DNAH11: variants seen among roughly 807,000 people sequenced by gnomAD.
DNAH11 encodes the protein dynein axonemal heavy chain 11.
DNAH11 carries 442 observed loss-of-function variants against 526.0 expected under a neutral mutation model. The ratio of observed to expected loss-of-function variants is 0.84; its 90% CI spans 0.78 to 0.91. The LOEUF is 0.91. Ranked by LOEUF, DNAH11 falls within the 40% of genes least tolerant of loss-of-function variation. DNAH11 has a pLI of 0.00. For missense variants in DNAH11, 6,989 were observed against 5,448.7 expected, an observed-to-expected ratio of 1.28 and a Z score of -8.90; for synonymous variants, 2,461 against 1,935.9, an observed-to-expected ratio of 1.27 and a Z score of -7.12.
chr7:21,883,754 C>G (rs57437438), intron 75 of DNAH11, among the ~76,000 whole-genome samples: 77,391 of 152,078 alleles, frequency 0.51, 21,281 homozygotes, highest in South Asian at 0.64. Flanking sequence ...TAAAATCTGC[C>G]TAAGGCTGGG....
intron 65 of DNAH11, among the ~76,000 whole-genome samples, chr7:21,834,052 T>G (rs193212729): frequency 6.6e-6 from 1 of 152,154 alleles, no homozygotes; most frequent in Admixed American, 6.5e-5. Flanking sequence ...GAATATATAT[T>G]CTTCTCATCA....
At chr7:21,657,931 G>T (rs10480006) in intron 29 of DNAH11, among the ~76,000 whole-genome samples, 1 of 152,068 alleles carries the variant, frequency 6.6e-6, no homozygotes, top group African/African-American at 2.4e-5. Flanking sequence ...CAGGGGTGGA[G>T]GAAGAAGTCA....
chr7:21,814,029 A>G (rs1307378916), intron 63 of DNAH11, among the ~76,000 whole-genome samples: 2 of 152,238 alleles, frequency 1.3e-5, no homozygotes, highest in African/African-American at 4.8e-5. Context: ...GCTACATGGC[A>G]TAGCCTATTG....
At chr7:21,691,218 A>T (rs571679336) in intron 35 of DNAH11, among the ~76,000 whole-genome samples, 24 of 150,588 alleles carry the variant, frequency 1.6e-4, no homozygotes, top group Non-Finnish European at 2.7e-4. Context: ...TTTATTGCCA[A>T]CAGAACACTT....
chr7:21,603,047 C>T (rs1477124196), intron 18 of DNAH11, among the ~76,000 whole-genome samples: 1 of 152,170 alleles, frequency 6.6e-6, no homozygotes, highest in Non-Finnish European at 1.5e-5. Context: ...CCTCCATGCC[C>T]TGCCAAGCCT....
chr7:21,665,875 T>C (rs1782403018), intron 30 of DNAH11, among the ~76,000 whole-genome samples: 1 of 152,148 alleles, frequency 6.6e-6, no homozygotes, highest in Admixed American at 6.6e-5. Context: ...TGAATTCTGC[T>C]AAGCTGTGGT....
chr7:21,745,945 T>C (rs920575317), intron 51 of DNAH11, among the ~76,000 whole-genome samples: 7 of 152,110 alleles, frequency 4.6e-5, no homozygotes, highest in African/African-American at 1.7e-4. Flanking sequence ...CAAGAATGTT[T>C]GAGATACAGA....
chr7:21,573,152 G>A lies in DNAH11; in HGVS notation c.1593+1179G>A, dbSNP rs530269047. ...GAGAATGTGGCCAGGTTTAATTGAC[G>A]TCACTACCTTGGCCATGCCAAAGGT... On this transcript the variant is annotated intron_variant, in intron 8 of 81. Coordinates refer to ENST00000409508, the MANE Select transcript of DNAH11 (RefSeq NM_001277115.2). Among the ~76,000 whole-genome samples the A allele has an allele frequency of 3.9e-5, 6 of 152,276 alleles. No homozygotes were observed. In the South Asian group the frequency reaches 1.0e-3, roughly 26 times the overall value.
intron 60 of DNAH11, among the ~76,000 whole-genome samples, chr7:21,788,816 C>T (rs562650074): frequency 1.3e-5 from 2 of 152,162 alleles, no homozygotes; most frequent in East Asian, 1.9e-4. Context: ...TAATATGAGG[C>T]GTATCTTCAC....
chr7:21,867,850 T>C lies in DNAH11; in HGVS notation c.11691-9T>C. 2 of 1,560,432 alleles carry C rather than the reference T, an allele frequency of 1.3e-6. No individual in the cohort carries two copies. The highest frequency in any genetic ancestry group is 1.7e-6 in the Non-Finnish European group (2 of 1,151,250). ...ACTGATCATGTTTTTATATTCTTGTTTTTTATAGAAATTTTGTAGAGGAAA... is the reference window on the plus strand; with the variant it reads ...ACTGATCATGTTTTTATATTCTTGTCTTTTATAGAAATTTTGTAGAGGAAA... On this transcript the variant is annotated splice_polypyrimidine_tract_variant and intron_variant, in intron 71 of 81. Coordinates refer to ENST00000409508, the MANE Select transcript of DNAH11 (RefSeq NM_001277115.2).
chr7:21,801,052 C>G, intron 61 of DNAH11, 85 bp from the exon 62 acceptor site: 1 of 1,430,990 alleles, frequency 7.0e-7, no homozygotes, highest in Non-Finnish European at 9.6e-7. Flanking sequence ...GTCCATTTAC[C>G]TTACAGTAAC....
At chr7:21,848,068 G>A (rs935220655) in intron 66 of DNAH11, among the ~76,000 whole-genome samples, 4 of 151,428 alleles carry the variant, frequency 2.6e-5, no homozygotes, top group Non-Finnish European at 5.9e-5. Flanking sequence ...TCGGGAGGCT[G>A]AGGCAGGAGA....
chr7:21,745,754 A>C (rs1020161675), intron 51 of DNAH11, among the ~76,000 whole-genome samples: 1 of 152,264 alleles, frequency 6.6e-6, no homozygotes, highest in Non-Finnish European at 1.5e-5. Context: ...GTGTCATGCC[A>C]AGAAGGAAAA....
At chr7:21,859,544 A>G (rs1357432500) in intron 68 of DNAH11, among the ~76,000 whole-genome samples, 1 of 152,214 alleles carries the variant, frequency 6.6e-6, no homozygotes, top group Non-Finnish European at 1.5e-5. Flanking sequence ...GATAAGACAT[A>G]TTCAAGCTAT....
intron 76 of DNAH11, among the ~76,000 whole-genome samples, chr7:21,890,967 G>A (rs1319353922): frequency 5.9e-5 from 9 of 152,160 alleles, no homozygotes; most frequent in African/African-American, 2.2e-4. Flanking sequence ...AATGCACTTG[G>A]AATTCGCAGA....
chr7:21,706,291 GTA>G (rs1393882486), intron 39 of DNAH11, among the ~76,000 whole-genome samples: 1 of 151,870 alleles, frequency 6.6e-6, no homozygotes, highest in Admixed American at 6.6e-5. Context: ...TTGGCAGACG[GTA>G]TATGCAGAAC....
intron 44 of DNAH11, 58 bp downstream of exon 44, chr7:21,720,914 G>A: frequency 6.3e-7 from 1 of 1,581,954 alleles, no homozygotes; most frequent in Middle Eastern, 1.7e-4. Flanking sequence ...ACAGGGTCAT[G>A]GGGAGGTTAA....
intron 61 of DNAH11, among the ~76,000 whole-genome samples, chr7:21,795,076 G>A (rs917265625): frequency 6.6e-6 from 1 of 152,098 alleles, no homozygotes; most frequent in African/African-American, 2.4e-5. Context: ...TTTCTGTAGG[G>A]GAGAGTGAAG....
rs899121809 is a variant in DNAH11 at position 21,769,111 on chromosome 7, T to C, written c.9102+3522T>C. On this transcript the variant is annotated intron_variant, in intron 55 of 81. Coordinates refer to ENST00000409508, the MANE Select transcript of DNAH11 (RefSeq NM_001277115.2). ...AAAATAATCCTCTTTCTAAGGAATA[T>C]TGAAGCCATTTAAAAATATTAAGAC... Among the ~76,000 whole-genome samples, 14 of 152,242 alleles carry C rather than the reference T, an allele frequency of 9.2e-5. 2 individuals are homozygous for C. The highest frequency in any genetic ancestry group is 8.5e-4 in the Admixed American group (13 of 15,282).
Sources: allele counts gnomAD v4.1 joint callset (sites outside exome capture counted in the v4.1 genomes callset), GRCh38; gene constraint gnomAD v4.1.1; transcripts MANE v1.5; gene names NCBI Gene and HGNC (gene_info 2026-07-23, HGNC 2026-07-21).